The following PKHD1 variants were observed in gnomAD, a reference collection of about 807,000 sequenced individuals.
PKHD1 encodes fibrocystin.
A neutral mutation model predicts 412.0 loss-of-function variants in PKHD1; 291 were observed. The observed-to-expected ratio is 0.71, with a 90% CI of 0.64 to 0.78. The LOEUF is 0.78. Ranked by LOEUF, PKHD1 falls within the 30% of genes least tolerant of loss-of-function variation. The pLI is 0.00. For synonymous variants in PKHD1, 1,777 were observed against 1,821.5 expected (o/e 0.98, Z 0.62); for missense variants, 4,825 against 4,950.7 (o/e 0.97, Z 0.76).
intron 35 of PKHD1, among the ~76,000 whole-genome samples, chr6:51,978,520 C>T (rs1794742925): frequency 6.6e-6 from 1 of 152,074 alleles, no homozygotes; most frequent in African/African-American, 2.4e-5. Context: ...AGAAGAAACT[C>T]AGTTACATGC....
At chr6:51,925,439 G>A (rs556827103) in intron 37 of PKHD1, among the ~76,000 whole-genome samples, 1 of 81,768 alleles carries the variant, frequency 1.2e-5, no homozygotes, top group East Asian at 6.5e-4. Flanking sequence ...ATTGTTCTTC[G>A]TGTGTGTGTG....
In PKHD1 at chr6:51,811,301, A is replaced by G. The variant is rs1263537138; in HGVS notation, c.8302+19560T>C. On this transcript the variant is annotated intron_variant, in intron 52 of 66. Transcript: ENST00000371117. ...CCCACTTGAACAATGAGGCATAAAT[A>G]TTTTTGTCATTGTATTGTTTATAAA... 8.5e-5 allele frequency among the ~76,000 whole-genome samples: 13 copies of G among 152,206 alleles called. No homozygotes were observed. In the East Asian group the frequency reaches 1.5e-3, roughly 18 times the overall value.
chr6:51,835,383 G>C (rs545677488), intron 51 of PKHD1, among the ~76,000 whole-genome samples: 1 of 152,162 alleles, frequency 6.6e-6, no homozygotes, highest in South Asian at 2.1e-4. Context: ...TTTCAAAGAA[G>C]AGAAAACTAT....
chr6:51,894,038 A>C (rs1779509962), intron 43 of PKHD1, among the ~76,000 whole-genome samples: 1 of 152,170 alleles, frequency 6.6e-6, no homozygotes, highest in Non-Finnish European at 1.5e-5. Context: ...GCTGTTTGAG[A>C]GCAAAGACTT....
At chr6:51,832,275 G>A (rs1768386766) in intron 51 of PKHD1, among the ~76,000 whole-genome samples, 1 of 152,032 alleles carries the variant, frequency 6.6e-6, no homozygotes, top group African/African-American at 2.4e-5. Context: ...TAACTCAGCT[G>A]CATTTTAAAG....
intron 35 of PKHD1, among the ~76,000 whole-genome samples, chr6:51,992,688 ACT>A (rs1322094352): frequency 1.3e-5 from 2 of 152,168 alleles, no homozygotes; most frequent in Admixed American, 1.3e-4. Context: ...AGGCTGGAAG[ACT>A]CTAACTGTGG....
intron 46 of PKHD1, 113 bp downstream of exon 46, chr6:51,882,980 T>G (rs1424793444): frequency 1.6e-5 from 13 of 794,420 alleles, no homozygotes; most frequent in Non-Finnish European, 2.6e-5. Flanking sequence ...TAATTAAATA[T>G]GAGATTCACT....
intron 37 of PKHD1, among the ~76,000 whole-genome samples, chr6:51,927,049 A>G (rs1211471823): frequency 6.6e-6 from 1 of 152,184 alleles, no homozygotes; most frequent in Non-Finnish European, 1.5e-5. Flanking sequence ...ACACTGAATT[A>G]AAGCTCATTT....
chr6:51,725,352 G>A (rs757692509), intron 60 of PKHD1, among the ~76,000 whole-genome samples: 3 of 152,166 alleles, frequency 2.0e-5, no homozygotes, highest in African/African-American at 4.8e-5. Flanking sequence ...CATGTCCAAG[G>A]CAAACAGAGA....
chr6:51,729,300 T>C (rs556255672), intron 60 of PKHD1, among the ~76,000 whole-genome samples: 1 of 152,338 alleles, frequency 6.6e-6, no homozygotes, highest in South Asian at 2.1e-4. Flanking sequence ...TAGGAAAATT[T>C]CTTTTCTTTG....
At chr6:51,982,843 AAAT>A (rs1471850113) in intron 35 of PKHD1, among the ~76,000 whole-genome samples, 1 of 144,820 alleles carries the variant, frequency 6.9e-6, no homozygotes, top group African/African-American at 2.5e-5. Flanking sequence ...AAAAATAAAA[AAAT>A]AAAAAAATAA....
intron 35 of PKHD1, among the ~76,000 whole-genome samples, chr6:51,970,681 T>G (rs1250793685): frequency 1.3e-5 from 2 of 152,198 alleles, no homozygotes; most frequent in African/African-American, 4.8e-5. Context: ...CAGTCCAATT[T>G]CCCCCGCACA....
chr6:51,805,393 G>A (rs1161891835), intron 52 of PKHD1, among the ~76,000 whole-genome samples: 1 of 152,184 alleles, frequency 6.6e-6, no homozygotes, highest in Non-Finnish European at 1.5e-5. Context: ...AAGAAGGGAT[G>A]AAGGCAAGGG....
chr6:51,799,773 A>G (rs1318721930), intron 52 of PKHD1, among the ~76,000 whole-genome samples: 2 of 152,196 alleles, frequency 1.3e-5, no homozygotes, highest in Non-Finnish European at 2.9e-5. Flanking sequence ...GCTGGCATCT[A>G]TGTGCCACAT....
In PKHD1 at chr6:51,906,272, C is replaced by A; in HGVS notation, c.6751G>T (p.Gly2251Cys). Residue 2251 changes from glycine (G) to cysteine (C), a missense_variant, in exon 41 of 67, where the codon GGC (glycine) becomes TGC (cysteine). Gly to Cys is a radical substitution (Grantham distance 159). Transcript: ENST00000371117. ...AATACATTACTGTCCACCTTCAGGC[C>A]CAAGGTCCCGCACATGCTGAGGCCT... ...SRGLSMCGTLGLKVDSNVFYN... is the reference protein window; with the variant it reads ...SRGLSMCGTLCLKVDSNVFYN... 6.2e-7 allele frequency: 1 copy of A among 1,610,676 alleles called. No individual in the cohort carries two copies. Among genetic ancestry groups the A allele is most frequent in the Non-Finnish European group, 8.5e-7 (1 of 1,177,214 alleles).
At chr6:51,791,706 C>T (rs773746795) in intron 52 of PKHD1, among the ~76,000 whole-genome samples, 1 of 152,138 alleles carries the variant, frequency 6.6e-6, no homozygotes, top group Non-Finnish European at 1.5e-5. Flanking sequence ...ACTTTTGGCT[C>T]TAGTTTCAGG....
At chr6:51,859,013 A>G (rs1390081890) in intron 48 of PKHD1, among the ~76,000 whole-genome samples, 2 of 152,196 alleles carry the variant, frequency 1.3e-5, no homozygotes, top group South Asian at 2.1e-4. Flanking sequence ...ACACACAAGC[A>G]ATGTGCACTA....
intron 35 of PKHD1, among the ~76,000 whole-genome samples, chr6:51,976,944 TAA>T (rs10671492): frequency 9.6e-5 from 9 of 93,522 alleles, no homozygotes; most frequent in Admixed American, 2.6e-4. Context: ...TGAGACTCCA[TAA>T]AAAAAAAAAA....
At chr6:52,048,853 C>T (rs891815412) in intron 22 of PKHD1, among the ~76,000 whole-genome samples, 29 of 152,226 alleles carry the variant, frequency 1.9e-4, no homozygotes, top group Admixed American at 5.2e-4. Flanking sequence ...TAGAGCCTAC[C>T]GATATGGTGG....
Sources: allele counts gnomAD v4.1 joint callset (sites outside exome capture counted in the v4.1 genomes callset), GRCh38; gene constraint gnomAD v4.1.1; transcripts MANE v1.5; gene names NCBI Gene and HGNC (gene_info 2026-07-23, HGNC 2026-07-21).